PDCD6: variants seen among roughly 807,000 people sequenced by gnomAD.
PDCD6 encodes programmed cell death protein 6.
Under a neutral mutation model 28.3 loss-of-function variants are expected in PDCD6, and 12 were observed. The observed-to-expected ratio is 0.42, with a 90% CI of 0.27 to 0.69. PDCD6 has a LOEUF of 0.69. PDCD6 is among the 30% of genes least tolerant of loss of function. The pLI is 0.22. For synonymous variants in PDCD6, 92 were observed against 108.0 expected (o/e 0.85, Z 0.92); for missense variants, 226 against 269.9 (o/e 0.84, Z 1.14).
rs113316239 is a variant in PDCD6, at chr5:281,785, G to A, written c.163+9013G>A. Reference sequence around the variant, plus strand: ...GAGCTGATGTTTTAGATTGAGGGTCGTGCAGCTGGAGAACCAGACAGGAGC... The same window carrying A: ...GAGCTGATGTTTTAGATTGAGGGTCATGCAGCTGGAGAACCAGACAGGAGC... On this transcript the variant is annotated intron_variant, in intron 2 of 5. Coordinates refer to ENST00000264933, the MANE Select transcript of PDCD6 (RefSeq NM_013232.4). Among the ~76,000 whole-genome samples, 27 of 149,402 alleles carry A rather than the reference G, an allele frequency of 1.8e-4. No homozygotes were observed. In the South Asian group the frequency reaches 5.4e-3, roughly 30 times the overall value.
chr5:272,175 G>T (rs1265692937), intron 1 of PDCD6, among the ~76,000 whole-genome samples: 3 of 150,014 alleles, frequency 2.0e-5, no homozygotes, highest in Non-Finnish European at 3.0e-5. Context: ...TCCTGGGCTA[G>T]GCCCTTTTTC....
intron 2 of PDCD6, chr5:276,683 T>C (rs1738220130): frequency 1.1e-5 from 11 of 979,426 alleles, no homozygotes; most frequent in Non-Finnish European, 1.3e-5. Flanking sequence ...AAGAAATTAA[T>C]ATATTACTGG....
chr5:311,062 T>C, intron 4 of PDCD6: 1 of 473,534 alleles, frequency 2.1e-6, no homozygotes, highest in South Asian at 2.4e-5. Flanking sequence ...CCTTCCGGGG[T>C]CATGGTCTCA....
chr5:299,763 A>G (rs899585501), intron 2 of PDCD6, among the ~76,000 whole-genome samples: 3 of 152,056 alleles, frequency 2.0e-5, no homozygotes, highest in African/African-American at 4.8e-5. Flanking sequence ...ATTAGCCAGG[A>G]TGGTCTCGAT....
Position 311,413 on chromosome 5 carries a change from G to A in PDCD6, c.477+11G>A. The A allele has an allele frequency of 6.3e-7, 1 of 1,587,472 alleles. No individual in the cohort carries two copies. The highest frequency in any genetic ancestry group is 8.7e-7 in the Non-Finnish European group (1 of 1,155,942). ...TGCATCGTCCTGCAGGTGACGGAAT[G>A]GCTTCACGTGGGTTTGTGGTGGTGG... On this transcript the variant is annotated intron_variant, in intron 5 of 5. Transcript: ENST00000264933.
intron 2 of PDCD6, among the ~76,000 whole-genome samples, chr5:300,874 C>T (rs1212781603): frequency 6.6e-6 from 1 of 152,116 alleles, no homozygotes; most frequent in African/African-American, 2.4e-5. Context: ...TAGAATACTC[C>T]AGAAGACCCC....
chr5:314,301 T>C, intron 5 of PDCD6, 116 bp from the exon 6 acceptor site: 1 of 696,904 alleles, frequency 1.4e-6, no homozygotes. Flanking sequence ...CTGGGCTCCA[T>C]CAGGGAGCCC....
chr5:274,552 TGTGA>T (rs1738062273), intron 2 of PDCD6, among the ~76,000 whole-genome samples: 1 of 152,258 alleles, frequency 6.6e-6, no homozygotes, highest in African/African-American at 2.4e-5. Context: ...AATTGTCAGC[TGTGA>T]GTATTAGTAG....
chr5:293,106 A>C (rs999977080), intron 2 of PDCD6, among the ~76,000 whole-genome samples: 1 of 151,984 alleles, frequency 6.6e-6, no homozygotes, highest in Non-Finnish European at 1.5e-5. Flanking sequence ...CCTCCCCCTG[A>C]CTCACAGGGC....
chr5:275,158 C>T (rs1346320131), intron 2 of PDCD6, among the ~76,000 whole-genome samples: 2 of 152,192 alleles, frequency 1.3e-5, no homozygotes, highest in African/African-American at 4.8e-5. Flanking sequence ...CAGTGGCTCA[C>T]GCCTGACCTC....
chr5:311,037 G>A (rs1254918659), intron 4 of PDCD6: 8 of 435,806 alleles, frequency 1.8e-5, no homozygotes, highest in African/African-American at 2.1e-5. Context: ...TAATGGCAGC[G>A]TCCCACTCAC....
At chr5:287,692 A>T (rs1739058380) in intron 2 of PDCD6, among the ~76,000 whole-genome samples, 2 of 152,214 alleles carry the variant, frequency 1.3e-5, no homozygotes, top group African/African-American at 4.8e-5. Flanking sequence ...TTCATGTTCA[A>T]AAATATTTAA....
intron 1 of PDCD6, 53 bp downstream of exon 1, chr5:271,874 C>T: frequency 3.0e-5 from 32 of 1,060,514 alleles, no homozygotes; most frequent in Non-Finnish European, 3.8e-5. Flanking sequence ...GCGGCCCCGA[C>T]CCCTGTCCCG....
intron 4 of PDCD6, among the ~76,000 whole-genome samples, chr5:306,988 C>T (rs914117882): frequency 3.3e-5 from 5 of 152,148 alleles, no homozygotes; most frequent in Admixed American, 1.3e-4. Flanking sequence ...CTATGCAAGC[C>T]GTTCATCTTT....
intron 2 of PDCD6, among the ~76,000 whole-genome samples, chr5:281,184 C>T (rs971009536): frequency 2.6e-5 from 4 of 152,360 alleles, no homozygotes; most frequent in African/African-American, 9.6e-5. Flanking sequence ...AACTCATGAA[C>T]ATAAAAGAGA....
intron 1 of PDCD6, 52 bp downstream of exon 1, chr5:271,873 A>G: frequency 1.9e-6 from 2 of 1,055,322 alleles, no homozygotes; most frequent in South Asian, 4.1e-5. Context: ...GGCGGCCCCG[A>G]CCCCTGTCCC....
intron 5 of PDCD6, chr5:313,654 G>A (rs1741072906): frequency 6.6e-6 from 1 of 151,762 alleles, no homozygotes; most frequent in Non-Finnish European, 1.5e-5. Context: ...GATGTGCGAG[G>A]ACGCTGTGTC....
chr5:277,313 T>G (rs1244254061), intron 2 of PDCD6, among the ~76,000 whole-genome samples: 2 of 146,422 alleles, frequency 1.4e-5, no homozygotes, highest in Non-Finnish European at 3.0e-5. Context: ...TTTTTTTTTT[T>G]TTTTTTTTTT....
chr5:292,727 C>T (rs186905637), intron 2 of PDCD6, among the ~76,000 whole-genome samples: 23 of 152,254 alleles, frequency 1.5e-4, no homozygotes, highest in African/African-American at 1.9e-4. Flanking sequence ...GAGAGGAGGC[C>T]GAGTCAGGCA....
Sources: gnomAD v4.1 joint callset for allele counts (sites outside exome capture counted in the v4.1 genomes callset) on GRCh38, gnomAD v4.1.1 for gene constraint, MANE v1.5 for transcripts, NCBI Gene and HGNC (gene_info 2026-07-23, HGNC 2026-07-21) for gene names.